The following TRABD2A variants were observed in gnomAD, a reference collection of about 807,000 sequenced individuals.
TRABD2A encodes the protein metalloprotease TIKI1.
A neutral mutation model predicts 45.6 loss-of-function variants in TRABD2A; 43 were observed. That is an observed-to-expected ratio of 0.94 (90% CI 0.74 to 1.22). The LOEUF is 1.22. TRABD2A is among the 50% of genes most tolerant of loss of function. TRABD2A has a pLI of 0.00. For missense variants in TRABD2A, 642 were observed against 652.4 expected, an observed-to-expected ratio of 0.98 and a Z score of 0.17; for synonymous variants, 269 against 265.0, an observed-to-expected ratio of 1.02 and a Z score of -0.15.
intron 6 of TRABD2A, among the ~76,000 whole-genome samples, chr2:84,823,614 C>G (rs137897845): frequency 6.6e-6 from 1 of 152,312 alleles, no homozygotes; most frequent in African/African-American, 2.4e-5. Context: ...CTCTGCAAGT[C>G]TATGACATTC....
At chr2:84,840,364 A>G (rs1573927052) in intron 3 of TRABD2A, among the ~76,000 whole-genome samples, 1 of 151,984 alleles carries the variant, frequency 6.6e-6, no homozygotes, top group South Asian at 2.1e-4. Flanking sequence ...CCCCCTCTCT[A>G]CCAGCCTCTC....
chr2:84,829,522 T>C (rs1211043857), intron 5 of TRABD2A, among the ~76,000 whole-genome samples: 4 of 124,828 alleles, frequency 3.2e-5, no homozygotes, highest in Non-Finnish European at 5.0e-5. Context: ...GCACCACACA[T>C]ACCCCACACA....
rs960083003 is a variant in TRABD2A, at chr2:84,879,582, T to C, written c.108+1350A>G. ...CAGATTCTAAAGGAGAGAGATCTTA[T>C]CCAGACTCACTCGTCATAATTACCA... On this transcript the variant is annotated intron_variant, in intron 1 of 6. Transcript: ENST00000409520. The C allele has an allele frequency of 3.0e-6, 3 of 985,048 alleles. No individual in the cohort carries two copies. In the African/African-American group the frequency reaches 5.2e-5, roughly 17 times the overall value. 61.0% of individuals were successfully genotyped at this position (985,048 alleles called of 1,614,324 possible).
intron 4 of TRABD2A, among the ~76,000 whole-genome samples, chr2:84,838,783 A>C (rs1681606482): frequency 6.6e-6 from 1 of 152,256 alleles, no homozygotes; most frequent in Non-Finnish European, 1.5e-5. Flanking sequence ...TGGGAGGCTC[A>C]TTGTCAGGTA....
At chr2:84,838,380 A>G in intron 4 of TRABD2A, 6 of 606,406 alleles carry the variant, frequency 9.9e-6, no homozygotes, top group South Asian at 8.2e-5. Context: ...GCTGTGGAAA[A>G]GTTGATTTTG....
rs572062008 is a variant in TRABD2A at position 84,847,782 on chromosome 2, A to G, written c.670-5775T>C. On this transcript the variant is annotated intron_variant, in intron 2 of 6. Coordinates refer to ENST00000409520, the MANE Select transcript of TRABD2A (RefSeq NM_001277053.2). ...CATAACAAAATACCACAAATTGAGTAGCTTAAACAACAGAATTGTATTGCC... is the reference window on the plus strand; with the variant it reads ...CATAACAAAATACCACAAATTGAGTGGCTTAAACAACAGAATTGTATTGCC... Among the ~76,000 whole-genome samples the G allele has an allele frequency of 2.0e-4, 31 of 152,346 alleles. No individual in the cohort carries two copies. The East Asian group carries it at 6.0e-3, about 29-fold the overall frequency.
intron 1 of TRABD2A, among the ~76,000 whole-genome samples, chr2:84,880,238 A>C (rs2105418682): frequency 6.6e-6 from 1 of 152,324 alleles, no homozygotes; most frequent in Non-Finnish European, 1.5e-5. Flanking sequence ...TGTCCGCTAT[A>C]GAGCTGTGTT....
chr2:84,822,100 A>G lies in TRABD2A; in HGVS notation c.1335T>C (p.Ser445=). The change falls in exon 7 of 7, where the codon AGT becomes AGC. Residue 445 remains serine, a splice_region_variant and synonymous_variant. Transcript: ENST00000409520. The part of the protein sequence containing the change: ...FSDLWVRLEE[S]DIVPQLQVPV... The stretch of plus-strand genomic sequence containing the variant: ...GGACCTGGAGTTGCGGGACTATGTC[A>G]CTAGGAGGCAAAGAGAAAGACAGAG... 1 of 1,561,414 alleles carries G rather than the reference A, an allele frequency of 6.4e-7. No individual in the cohort carries two copies. Among genetic ancestry groups the G allele is most frequent in the Non-Finnish European group, 8.7e-7 (1 of 1,151,456 alleles).
intron 5 of TRABD2A, among the ~76,000 whole-genome samples, chr2:84,829,400 C>A (rs989302177): frequency 7.0e-5 from 10 of 143,338 alleles, no homozygotes; most frequent in Admixed American, 2.8e-4. Context: ...ACACACACAC[C>A]ACACACACCA....
At chr2:84,842,435 A>G (rs370014978) in intron 2 of TRABD2A, among the ~76,000 whole-genome samples, 4 of 152,362 alleles carry the variant, frequency 2.6e-5, no homozygotes, top group South Asian at 2.1e-4. Context: ...CTAACCATCA[A>G]TGCAGCATTC....
intron 2 of TRABD2A, among the ~76,000 whole-genome samples, chr2:84,853,595 C>T (rs753193512): frequency 6.6e-6 from 1 of 152,130 alleles, no homozygotes; most frequent in Non-Finnish European, 1.5e-5. Context: ...CACAGCCAAA[C>T]CATATCAGGC....
At chr2:84,851,926 A>C (rs1682110343) in intron 2 of TRABD2A, among the ~76,000 whole-genome samples, 1 of 152,180 alleles carries the variant, frequency 6.6e-6, no homozygotes, top group South Asian at 2.1e-4. Flanking sequence ...GCTCCATCTC[A>C]AGAAGCAATG....
At chr2:84,874,110 C>A (rs1345711412) in intron 1 of TRABD2A, among the ~76,000 whole-genome samples, 1 of 152,218 alleles carries the variant, frequency 6.6e-6, no homozygotes, top group Non-Finnish European at 1.5e-5. Context: ...GGTCCCCATC[C>A]TACCTCAAAA....
At chr2:84,860,633 T>A (rs1682465827) in intron 2 of TRABD2A, among the ~76,000 whole-genome samples, 1 of 152,224 alleles carries the variant, frequency 6.6e-6, no homozygotes, top group Non-Finnish European at 1.5e-5. Flanking sequence ...GATTTCTACA[T>A]CATCTCCTAG....
chr2:84,839,995 A>C (rs1573926717), intron 3 of TRABD2A, among the ~76,000 whole-genome samples: 2 of 150,574 alleles, frequency 1.3e-5, no homozygotes, highest in Non-Finnish European at 3.0e-5. Flanking sequence ...TTTTCTCCCC[A>C]CCCCCTCAGC....
Position 84,870,236 on chromosome 2 carries a change from T to C in TRABD2A, c.658A>G (p.Asn220Asp). Reference protein sequence around the residue: ...EEQCHPLNGLNFSQVIFALNQ... With the variant: ...EEQCHPLNGLDFSQVIFALNQ... ...AAAGAGAGTCTTACCTGTGAAAAGT[T>C]CAACCCATTCAATGGATGGCACTGC... Residue 220 changes from asparagine to aspartate, a missense_variant, in exon 2 of 7, where the codon AAC (asparagine) becomes GAC (aspartate). By Grantham distance (23) the Asn-to-Asp change is conservative. Transcript: ENST00000409520. 1 of 1,610,556 alleles carries C rather than the reference T, an allele frequency of 6.2e-7. No individual in the cohort carries two copies. Among genetic ancestry groups the C allele is most frequent in the Non-Finnish European group, 8.5e-7 (1 of 1,177,478 alleles).
At chr2:84,845,900 AAG>A (rs560919250) in intron 2 of TRABD2A, among the ~76,000 whole-genome samples, 3 of 152,266 alleles carry the variant, frequency 2.0e-5, no homozygotes, top group African/African-American at 7.2e-5. Flanking sequence ...TTACCTGAAA[AAG>A]GGGGCATTTT....
At chr2:84,840,487 C>T (rs774416898) in intron 3 of TRABD2A, among the ~76,000 whole-genome samples, 70 of 152,288 alleles carry the variant, frequency 4.6e-4, no homozygotes, top group Middle Eastern at 6.8e-3. Flanking sequence ...CAGCCTGGCC[C>T]TCACTCACAG....
rs1019188584 is a variant in TRABD2A, at chr2:84,857,083, G to A, written c.669+13142C>T. ...TCTGCAAGCCAAGGAGAGAGGATTC[G>A]CCCTGATCTTGAACTTGGAGCCTCC... On this transcript the variant is annotated intron_variant, in intron 2 of 6. Transcript: ENST00000409520. Among the ~76,000 whole-genome samples, 12 of 152,146 alleles carry A rather than the reference G, an allele frequency of 7.9e-5. 1 individual carries two copies. Among genetic ancestry groups the A allele is most frequent in the Admixed American group, 2.0e-4 (3 of 15,280 alleles).
Sources: allele counts gnomAD v4.1 joint callset (sites outside exome capture counted in the v4.1 genomes callset), GRCh38; gene constraint gnomAD v4.1.1; transcripts MANE v1.5; gene names NCBI Gene and HGNC (gene_info 2026-07-23, HGNC 2026-07-21).